TTLL9: variants seen among roughly 807,000 people sequenced by gnomAD.
The protein encoded by TTLL9 is probable tubulin polyglutamylase TTLL9.
In TTLL9, 47 loss-of-function variants were observed where a neutral mutation model predicts 65.6. The ratio of observed to expected loss-of-function variants is 0.72; its 90% confidence interval spans 0.57 to 0.91. The LOEUF (loss-of-function observed/expected upper bound fraction) is 0.91, where lower values mean the gene tolerates loss of function less well. Ranked by LOEUF, TTLL9 falls within the 40% of genes least tolerant of loss-of-function variation. TTLL9 has a pLI of 0.00. For synonymous variants in TTLL9, 179 were observed against 204.8 expected, an observed-to-expected ratio of 0.87 and a Z score of 1.07; for missense variants, 537 against 568.8, an observed-to-expected ratio of 0.94 and a Z score of 0.57.
intron 3 of TTLL9, among the ~76,000 whole-genome samples, chr20:31,890,218 AG>A (rs2063288612): frequency 1.0e-5 from 1 of 97,784 alleles, no homozygotes; most frequent in Non-Finnish European, 2.1e-5. Flanking sequence ...TTTCATCAAA[AG>A]AGCAAAACTT....
intron 6 of TTLL9, among the ~76,000 whole-genome samples, chr20:31,913,939 G>A (rs1037820794): frequency 3.3e-5 from 5 of 152,218 alleles, no homozygotes; most frequent in Admixed American, 3.3e-4. Flanking sequence ...GGAGGCGACT[G>A]CTTGGCTGTC....
chr20:31,927,318 C>G (rs1482514245), intron 10 of TTLL9, among the ~76,000 whole-genome samples: 2 of 151,706 alleles, frequency 1.3e-5, no homozygotes, highest in African/African-American at 4.8e-5. Flanking sequence ...CCCATTTCCA[C>G]TAAAAGTACA....
chr20:31,882,530 A>T (rs1241479882), intron 2 of TTLL9, among the ~76,000 whole-genome samples: 1 of 152,154 alleles, frequency 6.6e-6, no homozygotes, highest in Admixed American at 6.6e-5. Flanking sequence ...ACCTTCCATG[A>T]ATGGCACCAA....
rs2064268941 is a variant in TTLL9, at chr20:31,943,930, TG to T, written c.*913del. The stretch of plus-strand genomic sequence containing the variant: ...GGGTTGCAACAAGACTCGGGGCTGT[TG>T]GGGTAACTGTTCCAGGGGGGACTTA... On this transcript the variant is annotated 3_prime_UTR_variant, in exon 15 of 15. Coordinates refer to ENST00000535842, the MANE Select transcript of TTLL9 (RefSeq NM_001008409.5). 4 of 430,288 alleles carry T rather than the reference TG, an allele frequency of 9.3e-6. No individual in the cohort carries two copies. Among genetic ancestry groups the T allele is most frequent in the South Asian group, 3.3e-5 (2 of 60,200 alleles). 26.7% of individuals were successfully genotyped at this position (430,288 alleles called of 1,614,324 possible).
At chr20:31,918,102 A>G (rs372678505) in intron 6 of TTLL9, among the ~76,000 whole-genome samples, 1 of 151,902 alleles carries the variant, frequency 6.6e-6, no homozygotes, top group African/African-American at 2.4e-5. Context: ...GGCCCATTGT[A>G]TGAGGGCGAA....
intron 6 of TTLL9, among the ~76,000 whole-genome samples, chr20:31,913,309 C>T (rs1025168873): frequency 7.2e-5 from 11 of 152,204 alleles, no homozygotes; most frequent in Non-Finnish European, 1.5e-4. Context: ...TGCTACTGGT[C>T]TGAGTACCAC....
chr20:31,884,966 G>A (rs910248095), intron 2 of TTLL9, among the ~76,000 whole-genome samples: 2 of 151,972 alleles, frequency 1.3e-5, no homozygotes, highest in South Asian at 2.1e-4. Context: ...GTATCCAATA[G>A]CATCATAAAA....
At chr20:31,917,315 T>A (rs1423830409) in intron 6 of TTLL9, among the ~76,000 whole-genome samples, 1 of 152,244 alleles carries the variant, frequency 6.6e-6, no homozygotes, top group Admixed American at 6.5e-5. Flanking sequence ...TCTTATAGGA[T>A]GACTACCTTG....
At chr20:31,890,146 C>CTTTCTTTCTTTTCTTTCTTTCTTTCT (rs1568753458) in intron 3 of TTLL9, among the ~76,000 whole-genome samples, 1 of 18,952 alleles carries the variant, frequency 5.3e-5, no homozygotes, top group African/African-American at 3.5e-4. Context: ...TCCTTCCTTC[C>CTTTCTTTCTTTTCTTTCTTTCTTTCT]TTCCTTCCTT....
At chr20:31,885,805 A>G (rs1345633711) in intron 2 of TTLL9, among the ~76,000 whole-genome samples, 1 of 152,180 alleles carries the variant, frequency 6.6e-6, no homozygotes, top group East Asian at 1.9e-4. Flanking sequence ...TGTGGTTACT[A>G]TGGTGGTTAC....
intron 4 of TTLL9, among the ~76,000 whole-genome samples, chr20:31,900,133 T>G (rs1038670107): frequency 1.3e-5 from 2 of 152,206 alleles, no homozygotes; most frequent in African/African-American, 4.8e-5. Flanking sequence ...AAAATTCTTT[T>G]ACTGTAGAGA....
chr20:31,908,516 C>A, intron 4 of TTLL9, 75 bp from the exon 5 acceptor site: 2 of 1,023,074 alleles, frequency 2.0e-6, no homozygotes, highest in South Asian at 2.6e-5. Flanking sequence ...GCCCCCTCGG[C>A]AGCACCTCCC....
At chr20:31,927,836 A>G (rs1258225250) in intron 10 of TTLL9, among the ~76,000 whole-genome samples, 1 of 152,202 alleles carries the variant, frequency 6.6e-6, no homozygotes, top group Non-Finnish European at 1.5e-5. Flanking sequence ...ATCTCTCTGC[A>G]TTAATTTCCC....
chr20:31,898,577 C>G lies in TTLL9; in HGVS notation c.206+12C>G. The G allele has an allele frequency of 1.2e-6, 2 of 1,611,424 alleles. No homozygotes were observed. Among genetic ancestry groups the G allele is most frequent in the Non-Finnish European group, 1.7e-6 (2 of 1,177,616 alleles). ...GTGGAAGTGAAGGAGTAAGACCCTC[C>G]CCCCAGCCTTGTCCCTCCTTCCCTT... is the stretch of plus-strand genomic sequence containing the variant. On this transcript the variant is annotated intron_variant, in intron 4 of 14. Coordinates refer to ENST00000535842, the MANE Select transcript of TTLL9 (RefSeq NM_001008409.5).
At chr20:31,933,678 C>A in intron 10 of TTLL9, 122 bp from the exon 11 acceptor site, 2 of 889,812 alleles carry the variant, frequency 2.2e-6, no homozygotes, top group Non-Finnish European at 3.4e-6. Flanking sequence ...AAAGCTCACA[C>A]ACACGACCGT....
intron 6 of TTLL9, among the ~76,000 whole-genome samples, 181 bp from the exon 7 acceptor site, chr20:31,919,683 C>T (rs2063786567): frequency 6.6e-6 from 1 of 152,162 alleles, no homozygotes; most frequent in Non-Finnish European, 1.5e-5. Context: ...CCTTCCCTCT[C>T]TCCCTCTGCC....
intron 7 of TTLL9, chr20:31,920,612 C>A (rs1359476540): frequency 6.5e-6 from 1 of 152,756 alleles, no homozygotes; most frequent in Non-Finnish European, 1.5e-5. Context: ...CACAGCAGTG[C>A]TCAATGTCTT....
chr20:31,918,095 C>G (rs1002372651), intron 6 of TTLL9, among the ~76,000 whole-genome samples: 1 of 151,926 alleles, frequency 6.6e-6, no homozygotes, highest in Non-Finnish European at 1.5e-5. Flanking sequence ...TTACTGGGGC[C>G]CATTGTATGA....
intron 2 of TTLL9, among the ~76,000 whole-genome samples, chr20:31,885,582 G>C (rs952066953): frequency 1.3e-5 from 2 of 152,208 alleles, no homozygotes; most frequent in African/African-American, 4.8e-5. Flanking sequence ...GGCTTGAATG[G>C]AAGAATGAAA....
Sources: allele counts gnomAD v4.1 joint callset (sites outside exome capture counted in the v4.1 genomes callset), GRCh38; gene constraint gnomAD v4.1.1; transcripts MANE v1.5; gene names NCBI Gene and HGNC (gene_info 2026-07-23, HGNC 2026-07-21).